ATXN1: variants seen among roughly 807,000 people sequenced by gnomAD.
The protein encoded by ATXN1 is ataxin 1.
Under a neutral mutation model 56.4 loss-of-function variants are expected in ATXN1, and 8 were observed. The observed-to-expected ratio is 0.14, with a 90% CI of 0.08 to 0.26. The LOEUF (loss-of-function observed/expected upper bound fraction) is 0.26, where lower values mean the gene tolerates loss of function less well. ATXN1 is among the 10% of genes least tolerant of loss of function. The probability of loss-of-function intolerance (pLI) is 1.00; values close to 1 mark genes in which losing one functional copy is unlikely to be tolerated. For missense variants in ATXN1, 987 were observed against 1,106.5 expected, an observed-to-expected ratio of 0.89 and a Z score of 1.53; for synonymous variants, 514 against 494.6, an observed-to-expected ratio of 1.04 and a Z score of -0.52.
intron 2 of ATXN1, among the ~76,000 whole-genome samples, chr6:16,724,439 C>A (rs1314869075): frequency 6.6e-6 from 1 of 152,104 alleles, no homozygotes; most frequent in Admixed American, 6.5e-5. Flanking sequence ...TAATCAAACC[C>A]AGTGTTCACC....
At chr6:16,389,797 A>G (rs1758315561) in intron 6 of ATXN1, among the ~76,000 whole-genome samples, 1 of 152,234 alleles carries the variant, frequency 6.6e-6, no homozygotes. Flanking sequence ...GGACCAGCCC[A>G]CAGGGCTCAC....
Position 16,397,034 on chromosome 6 carries a change from G to A in ATXN1, c.-160-68564C>T, listed in dbSNP as rs145954919. Among the ~76,000 whole-genome samples the A allele has an allele frequency of 2.0e-3, 301 of 152,296 alleles. 1 individual carries two copies. The highest frequency in any genetic ancestry group is 6.3e-3 in the African/African-American group (260 of 41,568). The stretch of plus-strand genomic sequence containing the variant: ...CACTTTATGATATTTGCAGAAGGAC[G>A]ATGTAAGGATGCATTTCTCAGAATG... On this transcript the variant is annotated intron_variant, in intron 6 of 7. Coordinates refer to ENST00000436367, the MANE Select transcript of ATXN1 (RefSeq NM_001128164.2).
chr6:16,308,368 A>ACT (rs1554136548), intron 7 of ATXN1, among the ~76,000 whole-genome samples: 1 of 139,590 alleles, frequency 7.2e-6, no homozygotes, highest in East Asian at 2.0e-4. Context: ...ACACACACAC[A>ACT]CTTCCTGGGT....
At chr6:16,540,906 G>A (rs571574736) in intron 4 of ATXN1, among the ~76,000 whole-genome samples, 3 of 152,184 alleles carry the variant, frequency 2.0e-5, no homozygotes, top group African/African-American at 7.2e-5. Flanking sequence ...TTAAATTGCT[G>A]TGGGAGACAG....
intron 6 of ATXN1, among the ~76,000 whole-genome samples, chr6:16,340,079 C>T (rs969086107): frequency 6.6e-6 from 1 of 152,234 alleles, no homozygotes; most frequent in African/African-American, 2.4e-5. Context: ...CCGCGCCTGA[C>T]CATGAAGAAT....
rs527878917 is a variant in ATXN1 at position 16,330,473 on chromosome 6, T to C, written c.-160-2003A>G. ...GGCGTGATCTCGGCTTGCTGCAACC[T>C]GTGCCTCCTGGGCTCAAGTGATCCT... On this transcript the variant is annotated intron_variant, in intron 6 of 7. Transcript: ENST00000436367. 4.8e-5 allele frequency among the ~76,000 whole-genome samples: 7 copies of C among 146,040 alleles called. No homozygotes were observed. In the East Asian group the frequency reaches 1.4e-3, roughly 29 times the overall value.
chr6:16,409,451 A>C (rs1758753346), intron 6 of ATXN1, among the ~76,000 whole-genome samples: 1 of 152,110 alleles, frequency 6.6e-6, no homozygotes, highest in Admixed American at 6.5e-5. Context: ...TCAGGAGTTC[A>C]AGACCAGCCT....
chr6:16,476,189 C>A (rs1245448752), intron 6 of ATXN1, among the ~76,000 whole-genome samples: 1 of 152,064 alleles, frequency 6.6e-6, no homozygotes, highest in African/African-American at 2.4e-5. Context: ...TAACGCCTAC[C>A]CCTGTGATCA....
At chr6:16,704,905 AG>A (rs1451160253) in intron 2 of ATXN1, among the ~76,000 whole-genome samples, 1 of 152,060 alleles carries the variant, frequency 6.6e-6, no homozygotes, top group Non-Finnish European at 1.5e-5. Context: ...AGCGAGGGGG[AG>A]GGGGCACAGT....
At chr6:16,564,956 G>A (rs553975674) in intron 4 of ATXN1, among the ~76,000 whole-genome samples, 4 of 152,002 alleles carry the variant, frequency 2.6e-5, no homozygotes, top group Non-Finnish European at 4.4e-5. Flanking sequence ...TACTGTACAC[G>A]GAATACAGAA....
chr6:16,387,686 C>T (rs928549085), intron 6 of ATXN1, among the ~76,000 whole-genome samples: 2 of 152,190 alleles, frequency 1.3e-5, no homozygotes, highest in Admixed American at 1.3e-4. Flanking sequence ...TGAAACACTG[C>T]AACTTTAACG....
At chr6:16,517,500 G>C (rs918662711) in intron 5 of ATXN1, among the ~76,000 whole-genome samples, 2 of 152,198 alleles carry the variant, frequency 1.3e-5, no homozygotes, top group Non-Finnish European at 2.9e-5. Context: ...TACTGGGCAT[G>C]TTGTAAGTGC....
At chr6:16,602,710 A>G (rs1218506361) in intron 3 of ATXN1, among the ~76,000 whole-genome samples, 2 of 152,186 alleles carry the variant, frequency 1.3e-5, no homozygotes, top group Non-Finnish European at 2.9e-5. Context: ...TCGGCCTCCC[A>G]AAGTGCTGAG....
intron 4 of ATXN1, among the ~76,000 whole-genome samples, chr6:16,567,717 G>A (rs972562179): frequency 4.6e-5 from 7 of 151,816 alleles, no homozygotes; most frequent in South Asian, 2.1e-4. Context: ...CCAGTGTTCC[G>A]CCTTTTTACT....
chr6:16,706,684 A>G (rs111434517), intron 2 of ATXN1, among the ~76,000 whole-genome samples: 3,819 of 149,700 alleles, frequency 0.026, 160 homozygotes, highest in African/African-American at 0.089. Context: ...AGATTGCACC[A>G]TTGCGCTCCA....
At position 16,679,531 on chromosome 6, in the gene ATXN1, A is replaced by G. The variant is rs549174490; in HGVS notation, c.-614-21630T>C. ...GGCGGTTAAGTTCAAAAGTTAAGCA[A>G]AAGTCATATATAGTCAAAATTAACT... On this transcript the variant is annotated intron_variant, in intron 2 of 7. Transcript: ENST00000436367. 5.3e-5 allele frequency among the ~76,000 whole-genome samples: 8 copies of G among 152,362 alleles called. No homozygotes were observed. In the South Asian group the frequency reaches 1.5e-3, roughly 28 times the overall value.
chr6:16,440,189 G>A (rs1759486074), intron 6 of ATXN1, among the ~76,000 whole-genome samples: 1 of 151,876 alleles, frequency 6.6e-6, no homozygotes, highest in African/African-American at 2.4e-5. Context: ...TCCAGCCTGG[G>A]CAACATGGCA....
intron 3 of ATXN1, among the ~76,000 whole-genome samples, chr6:16,594,634 C>G (rs1031581432): frequency 4.6e-5 from 7 of 152,068 alleles, no homozygotes; most frequent in African/African-American, 1.7e-4. Flanking sequence ...AGGTGCGCAC[C>G]ACCACCCCCA....
chr6:16,306,656 C>T lies in ATXN1; in HGVS notation c.2121G>A (p.Leu707=). 6.2e-7 allele frequency: 1 copy of T among 1,614,240 alleles called. No homozygotes were observed. The highest frequency in any genetic ancestry group is 8.5e-7 in the Non-Finnish European group (1 of 1,180,052). The change falls in exon 8 of 8, where the codon CTG becomes CTA. Residue 707 remains leucine (L), a synonymous_variant. Coordinates refer to ENST00000436367, the MANE Select transcript of ATXN1 (RefSeq NM_001128164.2). This position sits in a 1 kb window ranked among gnomAD's most constrained non-coding sequence, Gnocchi z 5.2. ...GGCCGTCGGCCTTTGAGTGCTTCAG[C>T]AGGACGCTGGCGGGATCCACGGGCT... ...KGQPVDPASV[L]LKHSKADGLA...
Sources: gnomAD v4.1 joint callset for allele counts (sites outside exome capture counted in the v4.1 genomes callset) on GRCh38, gnomAD v4.1.1 for gene constraint, Gnocchi (gnomAD v3.1) non-coding constraint, MANE v1.5 for transcripts, NCBI Gene and HGNC (gene_info 2026-07-23, HGNC 2026-07-21) for gene names.